Variants in SLC25A46 observed in about 807,000 individuals in gnomAD.
SLC25A46 encodes solute carrier family 25 member 46.
In SLC25A46, 39 loss-of-function variants were observed where a neutral mutation model predicts 44.6. The ratio of observed to expected loss-of-function variants is 0.87; its 90% CI spans 0.68 to 1.14. The LOEUF is 1.14. SLC25A46 is among the 50% of genes most tolerant of loss of function. The pLI is 0.00. For synonymous variants in SLC25A46, 202 were observed against 185.8 expected (o/e 1.09, Z -0.71); for missense variants, 547 against 522.7 (o/e 1.05, Z -0.45).
At chr5:110,742,984 G>A (rs576878925) in intron 2 of SLC25A46, among the ~76,000 whole-genome samples, 8 of 151,956 alleles carry the variant, frequency 5.3e-5, no homozygotes, top group Non-Finnish European at 7.4e-5. Flanking sequence ...AATTAAACCC[G>A]AGGGTGTTAA....
intron 5 of SLC25A46, among the ~76,000 whole-genome samples, chr5:110,752,606 G>A (rs964857439): frequency 3.3e-5 from 5 of 152,038 alleles, no homozygotes; most frequent in African/African-American, 4.8e-5. Context: ...TTAAACACAC[G>A]TTATTTTAAA....
Position 110,761,458 on chromosome 5 carries a change from T to G in SLC25A46, c.933T>G (p.Asp311Glu). 6.2e-7 allele frequency: 1 copy of G among 1,613,774 alleles called. No individual in the cohort carries two copies. The highest frequency in any genetic ancestry group is 1.1e-5 in the South Asian group (1 of 91,084). The change falls in exon 8 of 8, where the codon GAT (aspartate) becomes GAG (glutamate). Residue 311 changes from aspartate (D) to glutamate (E), a missense_variant. Asp to Glu is a conservative substitution (Grantham distance 45). Coordinates refer to ENST00000355943, the MANE Select transcript of SLC25A46 (RefSeq NM_138773.4). This position sits in a 1 kb window ranked among gnomAD's most constrained non-coding sequence, Gnocchi z 5.3. ...ESTSPVQSML[D>E]AYFPELIANF... ...CTAGCCCTGTGCAGAGTATGTTGGA[T>G]GCTTATTTTCCAGAACTTATTGCTA...
At chr5:110,740,023 T>G (rs193137905) in intron 1 of SLC25A46, among the ~76,000 whole-genome samples, 191 of 152,288 alleles carry the variant, frequency 1.3e-3, no homozygotes, top group Non-Finnish European at 2.0e-3. Context: ...CTTCCTATAA[T>G]TTTCCTTTCT....
At position 110,739,072 on chromosome 5, in the gene SLC25A46, G is replaced by T. The variant is rs762266931; in HGVS notation, c.-48G>T. 2.6e-6 allele frequency: 4 copies of T among 1,530,970 alleles called. No homozygotes were observed. The highest frequency in any genetic ancestry group is 4.9e-5 in the East Asian group (2 of 40,550). The allele number at this position is 1,530,970 out of a possible 1,614,324, so 94.8% of individuals were successfully genotyped here. Reference sequence around the variant, plus strand: ...TGTGTGCTTAGGTCGTGGTGGCCCCGGTGGTGGTGGGCTCCGGGCGGGCTC... The same window carrying T: ...TGTGTGCTTAGGTCGTGGTGGCCCCTGTGGTGGTGGGCTCCGGGCGGGCTC... On this transcript the variant is annotated 5_prime_UTR_variant, in exon 1 of 8. Transcript: ENST00000355943.
chr5:110,746,197 A>G, intron 3 of SLC25A46, 72 bp from the exon 4 acceptor site: 1 of 1,218,838 alleles, frequency 8.2e-7, no homozygotes, highest in East Asian at 2.6e-5. Flanking sequence ...ATTCCACCAT[A>G]TTTCTTTCAT....
intron 5 of SLC25A46, among the ~76,000 whole-genome samples, chr5:110,751,701 AAAGATAGTGGCT>A (rs1490915898): frequency 1.3e-5 from 2 of 152,212 alleles, no homozygotes; most frequent in African/African-American, 2.4e-5. Flanking sequence ...AAAGGTAAGA[AAAGATAGTGGCT>A]AAGATCAGGG....
intron 7 of SLC25A46, among the ~76,000 whole-genome samples, chr5:110,760,744 G>A (rs1800227805): frequency 1.3e-5 from 2 of 152,046 alleles, no homozygotes; most frequent in African/African-American, 2.4e-5. Flanking sequence ...CAACAACCCT[G>A]TGCATAAAAA....
At chr5:110,738,334 T>G (rs1409287239), upstream of SLC25A46, 1 of 1,063,000 alleles carries the variant, frequency 9.4e-7, no homozygotes, top group Non-Finnish European at 1.2e-6. Context: ...TTCAATACCC[T>G]GAGTGATTTA....
In SLC25A46 at chr5:110,739,173, C is replaced by T. The variant is rs763111033; in HGVS notation, c.54C>T (p.Ala18=). The T allele has an allele frequency of 8.4e-6, 13 of 1,550,940 alleles. No individual in the cohort carries two copies. The highest frequency in any genetic ancestry group is 1.1e-5 in the Non-Finnish European group (13 of 1,147,292). Residue 18 remains alanine (A), a synonymous_variant, in exon 1 of 8, where the codon GCC becomes GCT. Transcript: ENST00000355943. Reference sequence around the variant, plus strand: ...ATGGCTTGGGCTACCGGGGTGGTGCCCGGGACGAGCAGGGCTTTGGCGGCG... The same window carrying T: ...ATGGCTTGGGCTACCGGGGTGGTGCTCGGGACGAGCAGGGCTTTGGCGGCG... The part of the protein sequence containing the change: ...GFDGLGYRGG[A]RDEQGFGGAF...
At chr5:110,743,038 G>GTT (rs1415577675) in intron 2 of SLC25A46, among the ~76,000 whole-genome samples, 1 of 151,930 alleles carries the variant, frequency 6.6e-6, no homozygotes. Flanking sequence ...TGCTGGAGTT[G>GTT]TTTTTTGCTT....
rs1340114143 is a variant in SLC25A46 at position 110,748,144 on chromosome 5, T to C, written c.463-19T>C. On this transcript the variant is annotated intron_variant, in intron 4 of 7. Coordinates refer to ENST00000355943, the MANE Select transcript of SLC25A46 (RefSeq NM_138773.4). Reference sequence around the variant, plus strand: ...GATGTAGGTATTAACAGAAATAACATGAATTTTGTTCAATTTAGGGACCTA... The same window carrying C: ...GATGTAGGTATTAACAGAAATAACACGAATTTTGTTCAATTTAGGGACCTA... 6.4e-7 allele frequency: 1 copy of C among 1,570,498 alleles called. No homozygotes were observed. The highest frequency in any genetic ancestry group is 1.7e-5 in the Admixed American group (1 of 59,784).
chr5:110,738,797 C>T (rs1799492805), upstream of SLC25A46: 1 of 466,510 alleles, frequency 2.1e-6, no homozygotes, highest in African/African-American at 2.1e-5. Flanking sequence ...GGCCCTATTC[C>T]TACACCAGTT....
chr5:110,755,158 C>A (rs1415430488), intron 5 of SLC25A46: 1 of 196,710 alleles, frequency 5.1e-6, no homozygotes, highest in African/African-American at 2.3e-5. Flanking sequence ...TATTCTCTTT[C>A]TTTTAACCAA....
intron 3 of SLC25A46, among the ~76,000 whole-genome samples, chr5:110,745,379 G>A (rs778020450): frequency 1.3e-5 from 2 of 151,910 alleles, no homozygotes; most frequent in African/African-American, 2.4e-5. Context: ...TCAGCCTCCC[G>A]AGTAGCTGGG....
chr5:110,759,616 C>T (rs1042322733), intron 7 of SLC25A46, among the ~76,000 whole-genome samples: 2 of 151,844 alleles, frequency 1.3e-5, no homozygotes, highest in Admixed American at 1.3e-4. Context: ...GGGGGGAATA[C>T]AGGAGATGAG....
Position 110,742,070 on chromosome 5 carries a change from T to C in SLC25A46, c.307T>C (p.Phe103Leu). The C allele has an allele frequency of 6.3e-7, 1 of 1,577,802 alleles. No individual in the cohort carries two copies. Among genetic ancestry groups the C allele is most frequent in the South Asian group, 1.2e-5 (1 of 84,028 alleles). The change falls in exon 2 of 8, where the codon TTT becomes CTT. Residue 103 changes from phenylalanine to leucine, a missense_variant. By Grantham distance (22) the Phe-to-Leu change is conservative. Transcript: ENST00000355943. Reference protein sequence around the residue: ...SSEQLNRFAGFGIGLASLFTE... With the variant: ...SSEQLNRFAGLGIGLASLFTE... ...AGAACAGCTGAATAGATTTGCTGGATTTGGTATTGGACTTGCAAGGTAATG... is the reference window on the plus strand; with the variant it reads ...AGAACAGCTGAATAGATTTGCTGGACTTGGTATTGGACTTGCAAGGTAATG...
At chr5:110,759,336 A>G (rs1203318342) in intron 7 of SLC25A46, among the ~76,000 whole-genome samples, 2 of 152,174 alleles carry the variant, frequency 1.3e-5, no homozygotes, top group East Asian at 3.9e-4. Context: ...ATCAACATGC[A>G]TATTTGGGAG....
intron 4 of SLC25A46, among the ~76,000 whole-genome samples, chr5:110,746,655 A>G (rs1799827310): frequency 1.3e-5 from 2 of 152,236 alleles, no homozygotes; most frequent in Non-Finnish European, 2.9e-5. Flanking sequence ...CAATATTAGA[A>G]GTACAGAATG....
rs1580871216 is a variant in SLC25A46, at chr5:110,761,728, T to C, written c.1203T>C (p.Ala401=). The part of the protein sequence containing the change: ...AVIIQYTLHA[A]VLQITKIIYS... ...TAATACAGTACACACTGCATGCAGC[T>C]GTTTTACAGATTACCAAAATTATTT... Residue 401 remains alanine (A), a synonymous_variant, in exon 8 of 8, where the codon GCT becomes GCC. Transcript: ENST00000355943. The surrounding 1 kb of genome is among the most constrained non-coding windows in gnomAD (Gnocchi z 5.3). 6.2e-7 allele frequency: 1 copy of C among 1,612,886 alleles called. No homozygotes were observed. Among genetic ancestry groups the C allele is most frequent in the Non-Finnish European group, 8.5e-7 (1 of 1,179,442 alleles).
Sources: gnomAD v4.1 joint callset for allele counts (sites outside exome capture counted in the v4.1 genomes callset) on GRCh38, gnomAD v4.1.1 for gene constraint, Gnocchi (gnomAD v3.1) non-coding constraint, MANE v1.5 for transcripts, NCBI Gene and HGNC (gene_info 2026-07-23, HGNC 2026-07-21) for gene names.